CCT8: variants seen among roughly 807,000 people sequenced by gnomAD.
CCT8 encodes chaperonin containing TCP1 subunit 8.
Under a neutral mutation model 65.7 loss-of-function variants are expected in CCT8, and 10 were observed. The ratio of observed to expected loss-of-function variants is 0.15; its 90% CI spans 0.09 to 0.26. The LOEUF (loss-of-function observed/expected upper bound fraction) is 0.26. Among genes scored for constraint, CCT8 ranks in the 10% least tolerant of loss-of-function variants. The pLI is 1.00. For synonymous variants in CCT8, 199 were observed against 221.8 expected, an observed-to-expected ratio of 0.90 and a Z score of 0.92; for missense variants, 568 against 669.1, an observed-to-expected ratio of 0.85 and a Z score of 1.67.
At chr21:29,064,655 G>A (rs1292039630) in intron 7 of CCT8, among the ~76,000 whole-genome samples, 1 of 152,102 alleles carries the variant, frequency 6.6e-6, no homozygotes, top group Admixed American at 6.5e-5. Flanking sequence ...GGATGCTACA[G>A]AATGTCAACT....
intron 3 of CCT8, among the ~76,000 whole-genome samples, chr21:29,069,171 C>T (rs1372771973): frequency 2.0e-5 from 3 of 152,176 alleles, no homozygotes; most frequent in Admixed American, 2.0e-4. Flanking sequence ...TAATCAATTT[C>T]ATATCGTAAT....
Position 29,061,379 on chromosome 21 carries a change from A to T in CCT8, c.1323T>A (p.Phe441Leu), listed in dbSNP as rs1286962863. The T allele has an allele frequency of 6.2e-7, 1 of 1,614,082 alleles. No individual in the cohort carries two copies. Among genetic ancestry groups the T allele is most frequent in the Non-Finnish European group, 8.5e-7 (1 of 1,179,954 alleles). Residue 441 changes from phenylalanine to leucine, a missense_variant, in exon 13 of 15, where the codon TTT becomes TTA. Phe to Leu is a conservative substitution (Grantham distance 22). Coordinates refer to ENST00000286788, the MANE Select transcript of CCT8 (RefSeq NM_006585.4). The part of the protein sequence containing the change: ...PGLEQYAIKK[F>L]AEAFEAIPRA... ...GGGGAATAGCTTCAAATGCCTCAGC[A>T]AACTTCTTAATAGCATACTGTTCAA...
At chr21:29,062,746 G>A in intron 8 of CCT8, 190 bp from the exon 9 acceptor site, 1 of 602,972 alleles carries the variant, frequency 1.7e-6, no homozygotes, top group South Asian at 2.1e-5. Flanking sequence ...CTCTGAGTGA[G>A]TCCAGCTGGC....
chr21:29,063,368 T>A lies in CCT8; in HGVS notation c.925A>T (p.Asn309Tyr), dbSNP rs2085585174. Residue 309 changes from asparagine to tyrosine, a missense_variant, in exon 8 of 15, where the codon AAT becomes TAT. Asn to Tyr is a moderately radical substitution (Grantham distance 143). Coordinates refer to ENST00000286788, the MANE Select transcript of CCT8 (RefSeq NM_006585.4). Reference sequence around the variant, plus strand: ...TTTTCTTACCTCACTAACATGATATTATATTTATTTGCATAATGAAGAGCC... The same window carrying A: ...TTTTCTTACCTCACTAACATGATATAATATTTATTTGCATAATGAAGAGCC... ...DMALHYANKYNIMLVRLNSKW... is the reference protein window; with the variant it reads ...DMALHYANKYYIMLVRLNSKW... The A allele has an allele frequency of 6.2e-7, 1 of 1,612,888 alleles. No homozygotes were observed. Among genetic ancestry groups the A allele is most frequent in the African/African-American group, 1.3e-5 (1 of 74,898 alleles).
chr21:29,060,006 T>C (rs998073067), intron 14 of CCT8: 2 of 152,090 alleles, frequency 1.3e-5, no homozygotes, highest in African/African-American at 4.8e-5. Flanking sequence ...TTAATTAAGT[T>C]TGCCAGAAAA....
At chr21:29,071,595 C>G (rs537659022) in intron 1 of CCT8, among the ~76,000 whole-genome samples, 2 of 152,038 alleles carry the variant, frequency 1.3e-5, no homozygotes, top group African/African-American at 4.8e-5. Flanking sequence ...GGAGTTTCAC[C>G]ATGTTGGCCA....
rs199967171 is a variant in CCT8 at position 29,057,651 on chromosome 21, TATATATATG to T, written c.1570-1108_1570-1100del. ...AAAATATATATATAACATTTGATAATATATATATGATATATGTATCATATATACGATACA... is the reference window on the plus strand; with the variant it reads ...AAAATATATATATAACATTTGATAATATATATGTATCATATATACGATACA... On this transcript the variant is annotated intron_variant, in intron 14 of 14. Coordinates refer to ENST00000286788, the MANE Select transcript of CCT8 (RefSeq NM_006585.4). Among the ~76,000 whole-genome samples the T allele has an allele frequency of 3.8e-3, 489 of 129,976 alleles. 4 individuals are homozygous for T. Among genetic ancestry groups the T allele is most frequent in the South Asian group, 0.027 (92 of 3,444 alleles). 85.3% of individuals were successfully genotyped at this position (129,976 alleles called of 152,430 possible).
intron 7 of CCT8, 150 bp downstream of exon 7, chr21:29,064,818 A>G (rs912069829): frequency 8.2e-6 from 5 of 611,498 alleles, no homozygotes; most frequent in African/African-American, 1.8e-5. Context: ...GTTGAATTAG[A>G]TATTTGAAGA....
chr21:29,066,656 CAAAA>C (rs1218457543), intron 6 of CCT8, 56 bp downstream of exon 6: 12 of 992,022 alleles, frequency 1.2e-5, no homozygotes, highest in Middle Eastern at 5.9e-4. Context: ...CACAAAAAAA[CAAAA>C]AAAGCACACA....
At chr21:29,068,520 C>T (rs905096994) in intron 3 of CCT8, among the ~76,000 whole-genome samples, 1 of 151,890 alleles carries the variant, frequency 6.6e-6, no homozygotes, top group African/African-American at 2.4e-5. Flanking sequence ...AGTGCAGTGG[C>T]GCGATCTTGG....
intron 14 of CCT8, among the ~76,000 whole-genome samples, chr21:29,058,867 C>T (rs1210051689): frequency 6.6e-5 from 10 of 152,122 alleles, no homozygotes; most frequent in Admixed American, 6.5e-4. Flanking sequence ...GCTGGGATTA[C>T]AGGCGTGAGC....
intron 3 of CCT8, among the ~76,000 whole-genome samples, chr21:29,068,439 A>T (rs1377973707): frequency 6.6e-6 from 1 of 152,020 alleles, no homozygotes; most frequent in Non-Finnish European, 1.5e-5. Context: ...AAGTTCTTTA[A>T]GAATTTATAT....
chr21:29,056,684 C>A, intron 14 of CCT8, 132 bp from the exon 15 acceptor site: 2 of 444,436 alleles, frequency 4.5e-6, no homozygotes, highest in Non-Finnish European at 3.9e-6. Flanking sequence ...TAAAACACTA[C>A]AGCACAGAGT....
At chr21:29,067,765 C>T (rs2085640078) in intron 3 of CCT8, 60 bp from the exon 4 acceptor site, 1 of 1,254,686 alleles carries the variant, frequency 8.0e-7, no homozygotes, top group African/African-American at 1.5e-5. Flanking sequence ...TAAAATTGTT[C>T]ATTTCCATTT....
intron 8 of CCT8, among the ~76,000 whole-genome samples, chr21:29,063,024 C>G (rs1231086295): frequency 1.3e-5 from 2 of 152,160 alleles, no homozygotes; most frequent in Non-Finnish European, 2.9e-5. Flanking sequence ...TAAATGTGTT[C>G]ATGGATTAAA....
Position 29,067,725 on chromosome 21 carries a change from C to A in CCT8, c.232-20G>T. On this transcript the variant is annotated intron_variant, in intron 3 of 14. Transcript: ENST00000286788. Reference sequence around the variant, plus strand: ...CTGTACCTAGTAGAAAAGGTAATATCAAGTTAAACATCTGATCCTTAAAGC... The same window carrying A: ...CTGTACCTAGTAGAAAAGGTAATATAAAGTTAAACATCTGATCCTTAAAGC... The A allele has an allele frequency of 7.5e-7, 1 of 1,335,554 alleles. No individual in the cohort carries two copies. The highest frequency in any genetic ancestry group is 2.6e-5 in the South Asian group (1 of 38,076). 82.7% of individuals were successfully genotyped at this position (1,335,554 alleles called of 1,614,324 possible).
At chr21:29,056,737 G>A (rs762198988) in intron 14 of CCT8, among the ~76,000 whole-genome samples, 185 bp from the exon 15 acceptor site, 19 of 152,198 alleles carry the variant, frequency 1.2e-4, no homozygotes, top group Admixed American at 1.2e-3. Flanking sequence ...AACTTTCAGC[G>A]CATGAGAAAG....
intron 6 of CCT8, among the ~76,000 whole-genome samples, 169 bp downstream of exon 6, chr21:29,066,547 A>G (rs1005551402): frequency 3.3e-5 from 5 of 152,260 alleles, no homozygotes; most frequent in Admixed American, 1.3e-4. Flanking sequence ...CTCAAAAATA[A>G]ATAAGTACAT....
Position 29,061,257 on chromosome 21 carries a change from A to G in CCT8, c.1445T>C (p.Ile482Thr), listed in dbSNP as rs1436361970. ...QEGNKNVGLD[I>T]EAEVPAVKDM... The stretch of plus-strand genomic sequence containing the variant: ...GTTCAGTGTTTTTTCAAATACCTCA[A>G]TATCTAATCCAACGTTTTTATTTCC... Residue 482 changes from isoleucine to threonine, a missense_variant, in exon 13 of 15, where the codon ATT (isoleucine) becomes ACT (threonine). Transcript: ENST00000286788. 5.6e-6 allele frequency: 9 copies of G among 1,611,864 alleles called. No homozygotes were observed. The African/African-American group carries it at 6.7e-5, about 12-fold the overall frequency.
Sources: gnomAD v4.1 joint callset for allele counts (sites outside exome capture counted in the v4.1 genomes callset) on GRCh38, gnomAD v4.1.1 for gene constraint, MANE v1.5 for transcripts, NCBI Gene and HGNC (gene_info 2026-07-23, HGNC 2026-07-21) for gene names.